ASTN2: variants seen among roughly 807,000 people sequenced by gnomAD.
ASTN2 encodes the protein astrotactin 2, also known as astrotactin-2.
Under a neutral mutation model 139.8 loss-of-function variants are expected in ASTN2, and 54 were observed. The observed-to-expected ratio is 0.39, with a 90% CI of 0.31 to 0.48. The LOEUF (loss-of-function observed/expected upper bound fraction) is 0.48. Ranked by LOEUF, ASTN2 falls within the 20% of genes least tolerant of loss-of-function variation. ASTN2 has a pLI of 0.95. For synonymous variants in ASTN2, 756 were observed against 719.5 expected, an observed-to-expected ratio of 1.05 and a Z score of -0.81; for missense variants, 1,565 against 1,725.1, an observed-to-expected ratio of 0.91 and a Z score of 1.64.
At chr9:116,787,799 G>A (rs1042689355) in intron 13 of ASTN2, among the ~76,000 whole-genome samples, 3 of 152,070 alleles carry the variant, frequency 2.0e-5, no homozygotes, top group Non-Finnish European at 4.4e-5. Flanking sequence ...TCAGAAAAAG[G>A]ACATCAGATA....
At chr9:117,351,232 C>A (rs1279172788) in intron 1 of ASTN2, among the ~76,000 whole-genome samples, 2 of 152,134 alleles carry the variant, frequency 1.3e-5, no homozygotes, top group Non-Finnish European at 2.9e-5. Context: ...GCAATCCCAG[C>A]TCAAAAACCT....
At chr9:117,357,325 G>A (rs1199343259) in intron 1 of ASTN2, among the ~76,000 whole-genome samples, 1 of 151,788 alleles carries the variant, frequency 6.6e-6, no homozygotes, top group Non-Finnish European at 1.5e-5. Context: ...ATTAAGGAAG[G>A]ATCCACAAAG....
chr9:116,877,811 C>T (rs1833343310), intron 10 of ASTN2, among the ~76,000 whole-genome samples: 2 of 152,080 alleles, frequency 1.3e-5, no homozygotes, highest in African/African-American at 4.8e-5. Context: ...TGTACTTGTT[C>T]TGACCATTTA....
At chr9:116,446,609 C>A (rs1848006981) in intron 20 of ASTN2, among the ~76,000 whole-genome samples, 1 of 152,188 alleles carries the variant, frequency 6.6e-6, no homozygotes, top group African/African-American at 2.4e-5. Context: ...TCCAAGTCTA[C>A]TTATGGGATG....
Position 117,291,312 on chromosome 9 carries a change from C to A in ASTN2, c.630+14G>T, listed in dbSNP as rs762722395. 2 of 1,613,620 alleles carry A rather than the reference C, an allele frequency of 1.2e-6. No individual in the cohort carries two copies. The highest frequency in any genetic ancestry group is 1.7e-5 in the Admixed American group (1 of 59,994). On this transcript the variant is annotated intron_variant, in intron 2 of 22. Coordinates refer to ENST00000313400, the MANE Select transcript of ASTN2 (RefSeq NM_001365068.1). ...CGCAATCCCCGACCCCGGTCACATC[C>A]CCCCATCACTCACCATCACAGAAAT...
At chr9:117,262,789 G>A (rs2133111295) in intron 2 of ASTN2, among the ~76,000 whole-genome samples, 1 of 152,282 alleles carries the variant, frequency 6.6e-6, no homozygotes, top group Middle Eastern at 3.4e-3. Context: ...AGGACCTAAT[G>A]TAATCATAGG....
intron 5 of ASTN2, among the ~76,000 whole-genome samples, chr9:117,065,167 G>A (rs1377805633): frequency 6.6e-6 from 1 of 152,118 alleles, no homozygotes; most frequent in Non-Finnish European, 1.5e-5. Flanking sequence ...CTAGGAGGAA[G>A]CCACGGAACA....
chr9:117,097,172 C>T (rs191550556), intron 4 of ASTN2, among the ~76,000 whole-genome samples: 69 of 152,150 alleles, frequency 4.5e-4, no homozygotes, highest in African/African-American at 1.5e-3. Flanking sequence ...GCCTGTGCAG[C>T]GAGGATGGGA....
intron 4 of ASTN2, among the ~76,000 whole-genome samples, chr9:117,137,300 C>G (rs1829975382): frequency 1.3e-5 from 2 of 152,290 alleles, no homozygotes; most frequent in South Asian, 2.1e-4. Context: ...TGGTTCTCGG[C>G]TACCCATTCC....
chr9:117,173,777 T>A (rs1276586108), intron 3 of ASTN2, among the ~76,000 whole-genome samples: 1 of 151,706 alleles, frequency 6.6e-6, no homozygotes, highest in Non-Finnish European at 1.5e-5. Flanking sequence ...AAAATAATCA[T>A]CTAGGCATTT....
intron 19 of ASTN2, among the ~76,000 whole-genome samples, chr9:116,617,459 A>AGTATATT (rs1855911842): frequency 6.6e-6 from 1 of 152,212 alleles, no homozygotes; most frequent in Admixed American, 6.5e-5. Flanking sequence ...AATTGGGCAA[A>AGTATATT]TAATTATACT....
chr9:117,269,696 T>C (rs936787858), intron 2 of ASTN2, among the ~76,000 whole-genome samples: 4 of 152,210 alleles, frequency 2.6e-5, no homozygotes, highest in Admixed American at 2.0e-4. Flanking sequence ...TTATTTTTAA[T>C]GCTCACAGCA....
intron 10 of ASTN2, among the ~76,000 whole-genome samples, chr9:116,960,195 G>A (rs1835836570): frequency 6.6e-6 from 1 of 152,082 alleles, no homozygotes; most frequent in African/African-American, 2.4e-5. Context: ...GGGGTCGCTG[G>A]ACCATCTAAG....
chr9:116,799,455 C>T (rs1830783479), intron 13 of ASTN2, among the ~76,000 whole-genome samples: 1 of 152,130 alleles, frequency 6.6e-6, no homozygotes, highest in Admixed American at 6.6e-5. Flanking sequence ...CTTTGCAGGT[C>T]ATTCTTGAGG....
rs367574371 is a variant in ASTN2 at position 116,698,605 on chromosome 9, C to A, written c.2806+27166G>T. ...CTCCTTAAGGTAGGTCATGTTGGCC[C>A]CCTCCAAATTGGACAAGCTGTTAAG... On this transcript the variant is annotated intron_variant, in intron 16 of 22. Transcript: ENST00000313400. This position sits in a 1 kb window ranked among gnomAD's most constrained non-coding sequence, Gnocchi z 4.4. The A allele has an allele frequency of 1.9e-5, 30 of 1,613,948 alleles. No individual in the cohort carries two copies. In the African/African-American group the frequency reaches 2.4e-4, roughly 13 times the overall value.
Position 116,922,999 on chromosome 9 carries a change from G to A in ASTN2, c.1889+52209C>T, listed in dbSNP as rs559725987. 1.9e-4 allele frequency among the ~76,000 whole-genome samples: 29 copies of A among 152,246 alleles called. No homozygotes were observed. In the South Asian group the frequency reaches 5.0e-3, roughly 26 times the overall value. On this transcript the variant is annotated intron_variant, in intron 10 of 22. Transcript: ENST00000313400. ...GCAGAACCTTCCACAGGCAGTATTA[G>A]GTTCTTTGCATATATTTCTTACCTA...
intron 13 of ASTN2, among the ~76,000 whole-genome samples, chr9:116,791,053 G>GA (rs753685808): frequency 4.4e-4 from 67 of 150,754 alleles, no homozygotes; most frequent in East Asian, 1.6e-3. Flanking sequence ...GAAAAGAAAA[G>GA]AAAGAAAGAA....
intron 13 of ASTN2, among the ~76,000 whole-genome samples, chr9:116,754,948 T>C (rs546043419): frequency 6.6e-6 from 1 of 152,282 alleles, no homozygotes; most frequent in East Asian, 1.9e-4. Flanking sequence ...AGAAATAGCA[T>C]GTCAGAGTAG....
rs1837410531 is a variant in ASTN2, at chr9:117,008,083, A to C, written c.1591+9T>G. On this transcript the variant is annotated intron_variant, in intron 7 of 22. Transcript: ENST00000313400. ...ACCTTCTATCCCCATCCCGGCTCCC[A>C]TGGCTCACCGGTTTCTGGGTCGCAG... The C allele has an allele frequency of 6.3e-7, 1 of 1,581,886 alleles. No homozygotes were observed. The highest frequency in any genetic ancestry group is 1.3e-5 in the African/African-American group (1 of 74,406).
Sources: allele counts gnomAD v4.1 joint callset (sites outside exome capture counted in the v4.1 genomes callset), GRCh38; gene constraint gnomAD v4.1.1; non-coding constraint Gnocchi (gnomAD v3.1); transcripts MANE v1.5; gene names NCBI Gene and HGNC (gene_info 2026-07-23, HGNC 2026-07-21).